Variants in MST1R observed in about 807,000 individuals in gnomAD.
MST1R encodes macrophage stimulating 1 receptor, also known as macrophage-stimulating protein receptor.
A neutral mutation model predicts 117.8 loss-of-function variants in MST1R; 99 were observed. The observed-to-expected ratio is 0.84, with a 90% CI of 0.71 to 0.99. MST1R has a LOEUF of 0.99. Ranked by LOEUF, MST1R falls within the 50% of genes least tolerant of loss-of-function variation. The probability of loss-of-function intolerance (pLI) is 0.00; values close to 1 mark genes in which losing one functional copy is unlikely to be tolerated. For missense variants in MST1R, 1,683 were observed against 1,840.2 expected (o/e 0.91, Z 1.56); for synonymous variants, 734 against 765.3 (o/e 0.96, Z 0.68).
At chr3:49,889,579 G>T (rs1055295749) in intron 19 of MST1R, among the ~76,000 whole-genome samples, 3 of 152,128 alleles carry the variant, frequency 2.0e-5, no homozygotes, top group Non-Finnish European at 4.4e-5. Context: ...GGGTTGCTGT[G>T]GGGGTTATGG....
intron 1 of MST1R, among the ~76,000 whole-genome samples, chr3:49,900,299 G>T (rs1450363279): frequency 6.6e-6 from 1 of 152,150 alleles, no homozygotes; most frequent in Non-Finnish European, 1.5e-5. Flanking sequence ...TGTTTTTGGG[G>T]GCTGCAATCA....
chr3:49,896,781 G>T lies in MST1R; in HGVS notation c.2293C>A (p.Gln765Lys). Residue 765 changes from glutamine to lysine, a missense_variant, in exon 8 of 20, where the codon CAG becomes AAG. Coordinates refer to ENST00000296474, the MANE Select transcript of MST1R (RefSeq NM_002447.4). ...GAQVPGSWTFQYREDPVVLSI... is the reference protein window; with the variant it reads ...GAQVPGSWTFKYREDPVVLSI... Reference sequence around the variant, plus strand: ...AGCACGACAGGGTCTTCTCTGTACTGGAAGGTCCAGGAACCAGGTACCTGG... The same window carrying T: ...AGCACGACAGGGTCTTCTCTGTACTTGAAGGTCCAGGAACCAGGTACCTGG... 6.4e-7 allele frequency: 1 copy of T among 1,568,864 alleles called. No individual in the cohort carries two copies. Among genetic ancestry groups the T allele is most frequent in the East Asian group, 2.4e-5 (1 of 42,292 alleles).
chr3:49,892,430 G>A (rs1164613165), intron 14 of MST1R, among the ~76,000 whole-genome samples: 1 of 151,890 alleles, frequency 6.6e-6, no homozygotes, highest in Non-Finnish European at 1.5e-5. Context: ...GGGAGCCTGA[G>A]GCAGGAGGAT....
intron 19 of MST1R, 32 bp from the exon 20 acceptor site, chr3:49,887,594 A>G (rs906909474): frequency 3.7e-6 from 6 of 1,606,654 alleles, no homozygotes; most frequent in Non-Finnish European, 5.1e-6. Flanking sequence ...AGGTTAAGGC[A>G]ATTTCCACCC....
At chr3:49,892,027 A>AC in intron 14 of MST1R, 189 bp from the exon 15 acceptor site, 1 of 433,620 alleles carries the variant, frequency 2.3e-6, no homozygotes, top group Middle Eastern at 6.6e-4. Flanking sequence ...GCAGTGGTGC[A>AC]ATCTCAACTC....
In MST1R at chr3:49,896,799, G is replaced by T; in HGVS notation, c.2275C>A (p.Pro759Thr). 12 of 1,563,442 alleles carry T rather than the reference G, an allele frequency of 7.7e-6. No homozygotes were observed. The highest frequency in any genetic ancestry group is 1.0e-5 in the Non-Finnish European group (12 of 1,152,838). ...CTGTACTGGAAGGTCCAGGAACCAG[G>T]TACCTGGGCACCCCCCACCTGCAGG... The part of the protein sequence containing the change: ...LSLQVGGAQV[P>T]GSWTFQYRED... Residue 759 changes from proline (P) to threonine (T), a missense_variant, in exon 8 of 20, where the codon CCT (proline) becomes ACT (threonine). Pro to Thr is a conservative substitution (Grantham distance 38). Transcript: ENST00000296474.
At chr3:49,899,631 A>G (rs931200460) in intron 1 of MST1R, 12 of 212,248 alleles carry the variant, frequency 5.7e-5, no homozygotes, top group Admixed American at 4.4e-4. Flanking sequence ...GCTGGAGGGC[A>G]ATGGTGTGAT....
rs779808712 is a variant in MST1R, at chr3:49,898,633, C to T, written c.1604G>A (p.Arg535His). The change falls in exon 4 of 20, where the codon CGT becomes CAT. Residue 535 changes from arginine to histidine, a missense_variant. Physicochemically the swap from Arg to His is conservative, Grantham distance 29. Transcript: ENST00000296474. ...PGCRHFLTCG[R>H]CLRAWHFMGC... The stretch of plus-strand genomic sequence containing the variant: ...CATGAAATGCCATGCCCTTAGGCAA[C>T]GCCCACAGGTCAGGAAGTGGCGGCA... 77 of 1,614,058 alleles carry T rather than the reference C, an allele frequency of 4.8e-5. No homozygotes were observed. Among genetic ancestry groups the T allele is most frequent in the Non-Finnish European group, 5.7e-5 (67 of 1,180,048 alleles).
In MST1R at chr3:49,887,307, T is replaced by A. The variant is rs746465044; in HGVS notation, c.4203A>T (p.Ter1401CysextTer9). ...RPLSEPPRPT[*>C] The stretch of plus-strand genomic sequence containing the variant: ...AAGCAGGTCCAGCCCAAGAACTAAG[T>A]CAAGTGGGCCGAGGAGGCTCTGAGA... Residue 1401 changes from the stop codon to cysteine (C), a stop_lost, in exon 20 of 20, where the codon TGA becomes TGT. Coordinates refer to ENST00000296474, the MANE Select transcript of MST1R (RefSeq NM_002447.4). 6.2e-7 allele frequency: 1 copy of A among 1,613,982 alleles called. No individual in the cohort carries two copies. The highest frequency in any genetic ancestry group is 2.2e-5 in the East Asian group (1 of 44,886).
At chr3:49,899,401 G>T in intron 1 of MST1R, 138 bp from the exon 2 acceptor site, 1 of 884,740 alleles carries the variant, frequency 1.1e-6, no homozygotes, top group Non-Finnish European at 1.7e-6. Context: ...GGGCCTGCCG[G>T]TTACCATCCC....
chr3:49,894,172 G>T (rs909322195), intron 14 of MST1R, among the ~76,000 whole-genome samples: 1 of 151,192 alleles, frequency 6.6e-6, no homozygotes, highest in African/African-American at 2.4e-5. Context: ...CCGAGATCGC[G>T]CCATTGCACT....
At chr3:49,893,689 G>A (rs1360813828) in intron 14 of MST1R, among the ~76,000 whole-genome samples, 2 of 150,268 alleles carry the variant, frequency 1.3e-5, no homozygotes, top group Non-Finnish European at 3.0e-5. Flanking sequence ...CATGAGGTCA[G>A]GAGATCGAGA....
In MST1R at chr3:49,903,006, A is replaced by G; in HGVS notation, c.604T>C (p.Ser202Pro). 2 of 1,613,056 alleles carry G rather than the reference A, an allele frequency of 1.2e-6. No individual in the cohort carries two copies. Among genetic ancestry groups the G allele is most frequent in the Non-Finnish European group, 1.7e-6 (2 of 1,180,044 alleles). ...CTGGCAGCCACGGCTGCGTCCAGTG[A>G]GGATGCCACGTAGAAATAGGAGGCC... ...GQASYFYVAS[S>P]LDAAVAASFS... The change falls in exon 1 of 20, where the codon TCA becomes CCA. Residue 202 changes from serine (S) to proline (P), a missense_variant. Physicochemically the swap from Ser to Pro is moderately conservative, Grantham distance 74. Transcript: ENST00000296474.
intron 14 of MST1R, 25 bp from the exon 15 acceptor site, chr3:49,891,863 G>A (rs752844951): frequency 1.1e-5 from 17 of 1,605,294 alleles, no homozygotes; most frequent in African/African-American, 1.3e-5. Flanking sequence ...ATAATGAGTC[G>A]ATGAGAGGGG....
At chr3:49,893,852 T>C (rs1486588889) in intron 14 of MST1R, among the ~76,000 whole-genome samples, 3 of 147,456 alleles carry the variant, frequency 2.0e-5, no homozygotes, top group Non-Finnish European at 4.5e-5. Flanking sequence ...TGAGTCGAGA[T>C]CGCGCCACTG....
intron 19 of MST1R, among the ~76,000 whole-genome samples, chr3:49,888,954 C>G: frequency 6.6e-6 from 1 of 152,220 alleles, no homozygotes; most frequent in African/African-American, 2.4e-5. Flanking sequence ...GACTGAGGCT[C>G]TCTCTAGGAA....
intron 1 of MST1R, among the ~76,000 whole-genome samples, chr3:49,901,820 G>A (rs1484848911): frequency 4.6e-5 from 7 of 151,592 alleles, no homozygotes; most frequent in Admixed American, 1.3e-4. Flanking sequence ...GACAACTCCC[G>A]TCCCACCCCC....
At position 49,902,461 on chromosome 3, in the gene MST1R, C is replaced by T. The variant is rs755997982; in HGVS notation, c.1149G>A (p.Glu383=). Residue 383 remains glutamate, a synonymous_variant, in exon 1 of 20, where the codon GAG becomes GAA. Coordinates refer to ENST00000296474, the MANE Select transcript of MST1R (RefSeq NM_002447.4). ...GATGGACTGGGGATTCACAACAGCG[C>T]TCCACACCCTCATCAATTAGTGTGT... is the stretch of plus-strand genomic sequence containing the variant. The part of the protein sequence containing the change: ...LLDTLIDEGV[E]RCCESPVHPG... The T allele has an allele frequency of 3.7e-6, 6 of 1,614,194 alleles. No homozygotes were observed. The highest frequency in any genetic ancestry group is 5.1e-6 in the Non-Finnish European group (6 of 1,180,036).
rs1387269460 is a variant in MST1R at position 49,897,268 on chromosome 3, G to A, written c.2183+12C>T. The A allele has an allele frequency of 1.3e-6, 2 of 1,594,144 alleles. No homozygotes were observed. Among genetic ancestry groups the A allele is most frequent in the Non-Finnish European group, 8.6e-7 (1 of 1,169,580 alleles). The stretch of plus-strand genomic sequence containing the variant: ...ACCCTGCGGCCTCCCATGCCTGCCT[G>A]GTGGTACTTACCGTGCTAGCAGACA... On this transcript the variant is annotated intron_variant, in intron 7 of 19. Coordinates refer to ENST00000296474, the MANE Select transcript of MST1R (RefSeq NM_002447.4).
Sources: allele counts gnomAD v4.1 joint callset (sites outside exome capture counted in the v4.1 genomes callset), GRCh38; gene constraint gnomAD v4.1.1; transcripts MANE v1.5; gene names NCBI Gene and HGNC (gene_info 2026-07-23, HGNC 2026-07-21).